Variants in NSD1 observed in about 807,000 individuals in gnomAD.
NSD1 encodes the protein nuclear receptor binding SET domain protein 1.
Under a neutral mutation model 242.7 loss-of-function variants are expected in NSD1, and 26 were observed. The ratio of observed to expected loss-of-function variants is 0.11; its 90% CI spans 0.08 to 0.15. NSD1 has a LOEUF of 0.15. NSD1 is among the 10% of genes least tolerant of loss of function. The pLI, the probability that NSD1 is intolerant of heterozygous loss-of-function variation, is 1.00. For synonymous variants in NSD1, 1,106 were observed against 1,178.1 expected, an observed-to-expected ratio of 0.94 and a Z score of 1.25; for missense variants, 2,495 against 3,272.8, an observed-to-expected ratio of 0.76 and a Z score of 5.80.
chr5:177,240,679 C>T (rs1418165930), intron 8 of NSD1, among the ~76,000 whole-genome samples: 11 of 152,070 alleles, frequency 7.2e-5, no homozygotes, highest in Admixed American at 7.2e-4. Context: ...CGCCACTGCA[C>T]TCCAGCCTGG....
intron 3 of NSD1, 152 bp downstream of exon 3, chr5:177,192,171 G>T: frequency 3.0e-6 from 2 of 669,254 alleles, no homozygotes; most frequent in East Asian, 3.0e-5. Flanking sequence ...TTAAAAGTTC[G>T]TTTTACTCTA....
intron 5 of NSD1, among the ~76,000 whole-genome samples, chr5:177,225,912 A>T (rs1055588536): frequency 3.3e-5 from 5 of 152,218 alleles, no homozygotes; most frequent in African/African-American, 7.2e-5. Flanking sequence ...TGAATTACCA[A>T]GAAAAAGGTA....
upstream of NSD1, among the ~76,000 whole-genome samples, chr5:177,133,369 C>G (rs560095294): frequency 5.7e-3 from 868 of 152,204 alleles, 11 homozygotes; most frequent in African/African-American, 0.02. The surrounding 1 kb of genome is among the most constrained non-coding windows in gnomAD (Gnocchi z 6.2). Context: ...GTGCGGGAGC[C>G]GTGTGCGGCC....
chr5:177,151,683 G>A (rs1017007764), intron 2 of NSD1, among the ~76,000 whole-genome samples: 4 of 148,736 alleles, frequency 2.7e-5, no homozygotes, highest in African/African-American at 4.9e-5. Flanking sequence ...GCCACCGTGC[G>A]TGTCCTTTTT....
At chr5:177,241,160 C>T (rs1765828074) in intron 8 of NSD1, among the ~76,000 whole-genome samples, 1 of 151,898 alleles carries the variant, frequency 6.6e-6, no homozygotes, top group South Asian at 2.1e-4. Flanking sequence ...TTTTGTTCTC[C>T]CCCATATTGA....
chr5:177,269,527 T>C lies in NSD1; in HGVS notation c.5304-75T>C. 7.6e-7 allele frequency: 1 copy of C among 1,319,696 alleles called. No individual in the cohort carries two copies. The highest frequency in any genetic ancestry group is 2.3e-5 in the East Asian group (1 of 43,014). The allele number at this position is 1,319,696 out of a possible 1,614,324, so 81.7% of individuals were successfully genotyped here. On this transcript the variant is annotated intron_variant, in intron 15 of 22. Transcript: ENST00000439151. This position sits in a 1 kb window ranked among gnomAD's most constrained non-coding sequence, Gnocchi z 5.1. Reference sequence around the variant, plus strand: ...CAGACAGACATTGCTAATCCTTACTTTTATATGAGTAGGTTATTTTCCTAA... The same window carrying C: ...CAGACAGACATTGCTAATCCTTACTCTTATATGAGTAGGTTATTTTCCTAA...
rs777455412 is a variant in NSD1, at chr5:177,135,206, G to A, written c.103G>A (p.Gly35Ser). The change falls in exon 2 of 23, where the codon GGT becomes AGT. Residue 35 changes from glycine (G) to serine (S), a missense_variant. By Grantham distance (56) the Gly-to-Ser change is moderately conservative. This residue lies in a region of NSD1 where 376 missense variants were observed against 367.4 expected (regional missense o/e 1.02). Coordinates refer to ENST00000439151, the MANE Select transcript of NSD1 (RefSeq NM_022455.5). ...PEDKDSPFGN[G>S]QSNFSEPLNG... The stretch of plus-strand genomic sequence containing the variant: ...AGACAAGGACAGCCCTTTCGGTAAT[G>A]GTCAATCCAATTTTTCTGAGCCACT... The A allele has an allele frequency of 7.4e-6, 12 of 1,613,424 alleles. No homozygotes were observed. The highest frequency in any genetic ancestry group is 1.0e-5 in the Non-Finnish European group (12 of 1,179,532).
At chr5:177,220,270 G>A (rs1001739606) in intron 5 of NSD1, among the ~76,000 whole-genome samples, 1 of 152,090 alleles carries the variant, frequency 6.6e-6, no homozygotes, top group African/African-American at 2.4e-5. Flanking sequence ...TGAATTGACT[G>A]TTTTATTATC....
In NSD1 at chr5:177,269,655, A is replaced by G. The variant is rs762571461; in HGVS notation, c.5357A>G (p.Lys1786Arg). 1.4e-5 allele frequency: 22 copies of G among 1,614,058 alleles called. No individual in the cohort carries two copies. In the East Asian group the frequency reaches 4.7e-4, roughly 34 times the overall value. Reference protein sequence around the residue: ...HPRAVPSNIDKMRHDVGEFPV... With the variant: ...HPRAVPSNIDRMRHDVGEFPV... ...CGAGCTGTTCCTTCCAACATTGATA[A>G]GATGAGACATGATGTGGGAGAGTTC... The change falls in exon 16 of 23, where the codon AAG (lysine) becomes AGG (arginine). Residue 1786 changes from lysine (K) to arginine (R), a missense_variant. By Grantham distance (26) the Lys-to-Arg change is conservative (BLOSUM62 2). This residue lies in a region of NSD1 where 25 missense variants were observed against 49.7 expected (regional missense o/e 0.50). Coordinates refer to ENST00000439151, the MANE Select transcript of NSD1 (RefSeq NM_022455.5). This position sits in a 1 kb window ranked among gnomAD's most constrained non-coding sequence, Gnocchi z 5.1.
intron 2 of NSD1, among the ~76,000 whole-genome samples, chr5:177,172,120 T>C (rs1188328408): frequency 6.6e-6 from 1 of 152,196 alleles, no homozygotes; most frequent in Non-Finnish European, 1.5e-5. Flanking sequence ...TATTGACTGT[T>C]TTGGGGGAGA....
At chr5:177,154,929 C>T (rs1463594277) in intron 2 of NSD1, among the ~76,000 whole-genome samples, 1 of 151,904 alleles carries the variant, frequency 6.6e-6, no homozygotes, top group Non-Finnish European at 1.5e-5. Flanking sequence ...CTCCTGACCT[C>T]AGGTTATCCA....
intron 18 of NSD1, 69 bp from the exon 19 acceptor site, chr5:177,282,396 A>T: frequency 1.0e-6 from 1 of 980,898 alleles, no homozygotes; most frequent in African/African-American, 1.6e-5. Context: ...TAATTTTTTA[A>T]AAAAATGTAT....
intron 2 of NSD1, among the ~76,000 whole-genome samples, chr5:177,151,697 T>G (rs550808619): frequency 2.2e-4 from 34 of 151,234 alleles, no homozygotes; most frequent in African/African-American, 7.8e-4. Context: ...CCTTTTTTTT[T>G]TTTTTATCTT....
rs2127282136 is a variant in NSD1 at position 177,294,606 on chromosome 5, C to G, written c.7238C>G (p.Ser2413Cys). The G allele has an allele frequency of 6.2e-7, 1 of 1,614,236 alleles. No individual in the cohort carries two copies. Among genetic ancestry groups the G allele is most frequent in the Non-Finnish European group, 8.5e-7 (1 of 1,180,040 alleles). The change falls in exon 23 of 23, where the codon TCT (serine) becomes TGT (cysteine). Residue 2413 changes from serine (S) to cysteine (C), a missense_variant. Physicochemically the swap from Ser to Cys is moderately radical, Grantham distance 112. Transcript: ENST00000439151. ...SDRPTDKPHA[S>C]LSQRLPPPEK... is the part of the protein sequence containing the mutation. ...AGGCCTACTGACAAACCCCATGCCT[C>G]TTTGTCCCAGAGACTCCCACCTCCT...
intron 10 of NSD1, 151 bp downstream of exon 10, chr5:177,246,947 C>T (rs906887622): frequency 3.2e-5 from 21 of 656,398 alleles, no homozygotes; most frequent in Non-Finnish European, 5.7e-5. Flanking sequence ...AAAGTAGAGC[C>T]TTATCCTAAT....
intron 11 of NSD1, among the ~76,000 whole-genome samples, chr5:177,249,904 G>A (rs1265634522): frequency 6.6e-6 from 1 of 152,118 alleles, no homozygotes; most frequent in African/African-American, 2.4e-5. Context: ...CAGGCAACAT[G>A]GTAAAACCCT....
intron 5 of NSD1, among the ~76,000 whole-genome samples, chr5:177,219,595 C>T (rs1764079500): frequency 1.3e-5 from 2 of 152,100 alleles, no homozygotes; most frequent in Admixed American, 1.3e-4. Context: ...AGTTTTTGTA[C>T]TGATACTGAT....
chr5:177,266,512 A>G (rs1757480787), intron 14 of NSD1: 3 of 628,192 alleles, frequency 4.8e-6, no homozygotes, highest in Admixed American at 2.3e-5. Context: ...CATGCCCTCG[A>G]CGTTCGGCTT....
intron 2 of NSD1, among the ~76,000 whole-genome samples, chr5:177,161,680 C>CTTTTTT (rs57657595): frequency 1.8e-4 from 24 of 135,228 alleles, no homozygotes; most frequent in Non-Finnish European, 2.4e-4. Flanking sequence ...TTCTTTCTTT[C>CTTTTTT]TTTTTTTTTT....
Sources: gnomAD v4.1 joint callset for allele counts (sites outside exome capture counted in the v4.1 genomes callset) on GRCh38, gnomAD v4.1.1 for gene constraint, gnomAD v4.1.1 regional missense constraint, Gnocchi (gnomAD v3.1) non-coding constraint, MANE v1.5 for transcripts, NCBI Gene and HGNC (gene_info 2026-07-23, HGNC 2026-07-21) for gene names.